GLIS3: variants seen among roughly 807,000 people sequenced by gnomAD.
GLIS3 encodes GLIS family zinc finger 3.
A neutral mutation model predicts 78.6 loss-of-function variants in GLIS3; 53 were observed. The ratio of observed to expected loss-of-function variants is 0.67; its 90% CI spans 0.54 to 0.85. GLIS3 has a LOEUF of 0.85. Among genes scored for constraint, GLIS3 ranks in the 40% least tolerant of loss-of-function variants. GLIS3 has a pLI of 0.00. For missense variants in GLIS3, 1,703 were observed against 1,231.1 expected (o/e 1.38, Z -5.74); for synonymous variants, 684 against 509.9 (o/e 1.34, Z -4.60).
At chr9:3,924,661 T>C (rs1044744466) in intron 6 of GLIS3, among the ~76,000 whole-genome samples, 6 of 152,182 alleles carry the variant, frequency 3.9e-5, no homozygotes, top group Non-Finnish European at 8.8e-5. Flanking sequence ...CAACTGAAGC[T>C]GAAAAGGAAA....
intron 2 of GLIS3, among the ~76,000 whole-genome samples, chr9:4,240,431 G>A (rs10974407): frequency 3.9e-5 from 6 of 151,920 alleles, no homozygotes; most frequent in East Asian, 1.9e-4. Context: ...AACAGGCTAC[G>A]GACCAGCAGC....
chr9:3,973,710 T>A (rs1818556841), intron 4 of GLIS3, among the ~76,000 whole-genome samples: 1 of 152,002 alleles, frequency 6.6e-6, no homozygotes, highest in African/African-American at 2.4e-5. Context: ...AGAATAAATA[T>A]CTCTAATAAC....
chr9:3,826,336 T>C lies in GLIS3; in HGVS notation c.*1936A>G, dbSNP rs1214136120. 1 of 152,188 alleles carries C rather than the reference T, an allele frequency of 6.6e-6. No individual in the cohort carries two copies. The highest frequency in any genetic ancestry group is 2.4e-5 in the African/African-American group (1 of 41,452). The allele number at this position is 152,188 out of a possible 1,614,324, so 9.4% of individuals were successfully genotyped here. ...GGATGCTACTAGCTGTGAGCATGCATATGTTAGGCCACTTGTTTAGGCCAA... is the reference window on the plus strand; with the variant it reads ...GGATGCTACTAGCTGTGAGCATGCACATGTTAGGCCACTTGTTTAGGCCAA... On this transcript the variant is annotated 3_prime_UTR_variant, in exon 11 of 11. Transcript: ENST00000381971.
chr9:4,432,842 C>T, the GLIS3 span, among the ~76,000 whole-genome samples: 3 of 151,736 alleles, frequency 2.0e-5, no homozygotes, highest in South Asian at 2.1e-4. Context: ...AGTTTCATCA[C>T]GTTGCCCAGT....
chr9:4,489,911 G>A, the GLIS3 span, among the ~76,000 whole-genome samples: 1 of 152,226 alleles, frequency 6.6e-6, no homozygotes, highest in African/African-American at 2.4e-5. Flanking sequence ...GGGCACTGGA[G>A]GCTCCGCGTG....
At chr9:4,028,781 G>C (rs1439778496) in intron 4 of GLIS3, among the ~76,000 whole-genome samples, 1 of 152,186 alleles carries the variant, frequency 6.6e-6, no homozygotes, top group Non-Finnish European at 1.5e-5. Context: ...ATATGGATTT[G>C]TAGCTAATGA....
chr9:4,451,141 G>C, the GLIS3 span, among the ~76,000 whole-genome samples: 55 of 152,114 alleles, frequency 3.6e-4, no homozygotes, highest in Non-Finnish European at 1.0e-4. Context: ...TCAAAATAAA[G>C]GGATGGAGGA....
chr9:4,444,309 C>T, the GLIS3 span, among the ~76,000 whole-genome samples: 1 of 152,198 alleles, frequency 6.6e-6, no homozygotes, highest in Admixed American at 6.5e-5. Flanking sequence ...ATAAAGACAT[C>T]TAAGCAATGT....
At chr9:3,930,560 A>G (rs1825550049) in intron 6 of GLIS3, among the ~76,000 whole-genome samples, 1 of 152,246 alleles carries the variant, frequency 6.6e-6, no homozygotes. Flanking sequence ...AAATTTGAAC[A>G]GGAGAAACCA....
At chr9:3,989,851 G>A (rs1210237114) in intron 4 of GLIS3, among the ~76,000 whole-genome samples, 2 of 152,086 alleles carry the variant, frequency 1.3e-5, no homozygotes, top group South Asian at 2.1e-4. Flanking sequence ...GCAACACATT[G>A]TATAGAACTT....
intron 2 of GLIS3, among the ~76,000 whole-genome samples, chr9:4,176,965 T>C (rs1344704534): frequency 1.3e-5 from 2 of 152,204 alleles, no homozygotes; most frequent in Admixed American, 1.3e-4. Flanking sequence ...GACCAATTTG[T>C]AGAAATGCAG....
the GLIS3 span, among the ~76,000 whole-genome samples, chr9:4,367,748 T>C: frequency 6.7e-6 from 1 of 149,980 alleles, no homozygotes; most frequent in African/African-American, 2.5e-5. Flanking sequence ...ATTGAGAGAA[T>C]ACATTTGAAG....
intron 4 of GLIS3, among the ~76,000 whole-genome samples, chr9:4,062,387 G>A (rs1174014816): frequency 6.6e-6 from 1 of 152,158 alleles, no homozygotes; most frequent in African/African-American, 2.4e-5. Flanking sequence ...TTTTGCTTCT[G>A]TACCCCAGTT....
At chr9:3,861,448 A>G (rs990735344) in intron 8 of GLIS3, among the ~76,000 whole-genome samples, 2 of 152,082 alleles carry the variant, frequency 1.3e-5, no homozygotes, top group Non-Finnish European at 2.9e-5. Context: ...TCCATTATAT[A>G]CCCAAATGAA....
At chr9:4,366,131 A>G in the GLIS3 span, among the ~76,000 whole-genome samples, 6 of 152,342 alleles carry the variant, frequency 3.9e-5, no homozygotes, top group South Asian at 1.2e-3. Context: ...GATAGGACAG[A>G]GGATATAAAG....
chr9:4,437,686 C>G, the GLIS3 span, among the ~76,000 whole-genome samples: 1 of 152,074 alleles, frequency 6.6e-6, no homozygotes, highest in Non-Finnish European at 1.5e-5. Context: ...TGCCTGCCTT[C>G]CCTTCCACCT....
At chr9:4,307,972 A>T (rs1392206664) in intron 4 of GLIS3, among the ~76,000 whole-genome samples, 1 of 152,182 alleles carries the variant, frequency 6.6e-6, no homozygotes, top group East Asian at 1.9e-4. Context: ...GACAGCAGCA[A>T]CAGAAAAGTA....
intron 2 of GLIS3, among the ~76,000 whole-genome samples, chr9:4,321,879 T>A (rs1817534654): frequency 6.6e-6 from 1 of 152,076 alleles, no homozygotes; most frequent in East Asian, 1.9e-4. Context: ...CGATAATTGT[T>A]TTCATTTTTA....
At chr9:4,487,216 G>C in the GLIS3 span, among the ~76,000 whole-genome samples, 3 of 152,254 alleles carry the variant, frequency 2.0e-5, no homozygotes, top group East Asian at 5.8e-4. Context: ...CAATGAGCAA[G>C]AGTTCTCGTG....
Sources: allele counts gnomAD v4.1 joint callset (sites outside exome capture counted in the v4.1 genomes callset), GRCh38; gene constraint gnomAD v4.1.1; transcripts MANE v1.5; gene names NCBI Gene and HGNC (gene_info 2026-07-23, HGNC 2026-07-21).